Variants in PPIP5K2 observed in about 807,000 individuals in gnomAD.
PPIP5K2 encodes the protein inositol hexakisphosphate and diphosphoinositol-pentakisphosphate kinase 2.
A neutral mutation model predicts 154.6 loss-of-function variants in PPIP5K2; 105 were observed. The observed-to-expected ratio is 0.68, with a 90% CI of 0.58 to 0.80. PPIP5K2 has a LOEUF of 0.80. Ranked by LOEUF, PPIP5K2 falls within the 30% of genes least tolerant of loss-of-function variation. PPIP5K2 has a pLI of 0.00. For missense variants in PPIP5K2, 992 were observed against 1,504.6 expected, an observed-to-expected ratio of 0.66 and a Z score of 5.64; for synonymous variants, 480 against 490.3, an observed-to-expected ratio of 0.98 and a Z score of 0.28.
chr5:103,193,064 T>G (rs1801491808), intron 29 of PPIP5K2, among the ~76,000 whole-genome samples: 1 of 152,154 alleles, frequency 6.6e-6, no homozygotes, highest in Non-Finnish European at 1.5e-5. Flanking sequence ...TTTGGTCTAT[T>G]TTATTTAAGA....
At chr5:103,166,656 T>TATTG (rs1318233202) in intron 17 of PPIP5K2, among the ~76,000 whole-genome samples, 1 of 152,038 alleles carries the variant, frequency 6.6e-6, no homozygotes, top group Non-Finnish European at 1.5e-5. Flanking sequence ...TTTTTCCACA[T>TATTG]ACTTTCTGGA....
At chr5:103,194,787 TTC>T in intron 29 of PPIP5K2, 111 bp from the exon 30 acceptor site, 1 of 1,200,770 alleles carries the variant, frequency 8.3e-7, no homozygotes, top group South Asian at 1.7e-5. Flanking sequence ...GACCATTTTC[TTC>T]TGTTATTATG....
chr5:103,195,150 A>T (rs1332909384), intron 30 of PPIP5K2, 125 bp downstream of exon 30: 4 of 1,213,448 alleles, frequency 3.3e-6, no homozygotes, highest in Non-Finnish European at 4.5e-6. Flanking sequence ...TAATGATCCT[A>T]AGGGTTAAAA....
At chr5:103,141,197 T>A (rs1487706741) in intron 5 of PPIP5K2, among the ~76,000 whole-genome samples, 1 of 152,172 alleles carries the variant, frequency 6.6e-6, no homozygotes, top group East Asian at 1.9e-4. Context: ...TTGGTCTCAC[T>A]AATTTCAAGA....
In PPIP5K2 at chr5:103,154,752, G is replaced by A. The variant is rs368308205; in HGVS notation, c.1293+7G>A. 30 of 1,574,524 alleles carry A rather than the reference G, an allele frequency of 1.9e-5. No individual in the cohort carries two copies. Among genetic ancestry groups the A allele is most frequent in the Non-Finnish European group, 2.5e-5 (29 of 1,160,438 alleles). On this transcript the variant is annotated splice_region_variant and intron_variant, in intron 12 of 30. Coordinates refer to ENST00000358359, the MANE Select transcript of PPIP5K2 (RefSeq NM_001276277.3). Reference sequence around the variant, plus strand: ...AAAACCAAAACAGTTACAGGCAAGTGTATTTGCTTTCTTGTTTAATTTTAA... The same window carrying A: ...AAAACCAAAACAGTTACAGGCAAGTATATTTGCTTTCTTGTTTAATTTTAA...
chr5:103,153,685 A>T (rs148643639), intron 10 of PPIP5K2, among the ~76,000 whole-genome samples, 163 bp from the exon 11 acceptor site: 1 of 151,946 alleles, frequency 6.6e-6, no homozygotes, highest in East Asian at 1.9e-4. Context: ...ATTTTATTTC[A>T]TAAAGTTAAA....
chr5:103,156,146 C>T (rs917192997), intron 14 of PPIP5K2, 152 bp downstream of exon 14: 14 of 554,522 alleles, frequency 2.5e-5, no homozygotes, highest in South Asian at 1.1e-4. Context: ...GCTTCCTTTT[C>T]TTTAAATAAA....
At chr5:103,127,393 A>G (rs887982368) in intron 1 of PPIP5K2, among the ~76,000 whole-genome samples, 1 of 152,212 alleles carries the variant, frequency 6.6e-6, no homozygotes, top group Admixed American at 6.5e-5. Flanking sequence ...ATGTCAATTT[A>G]TTTGGCTATC....
intron 5 of PPIP5K2, among the ~76,000 whole-genome samples, chr5:103,143,677 ACT>A (rs1793235571): frequency 1.3e-5 from 2 of 152,334 alleles, no homozygotes; most frequent in East Asian, 1.9e-4. Context: ...CCAACTCTAT[ACT>A]CTCTACATAT....
intron 10 of PPIP5K2, 83 bp downstream of exon 10, chr5:103,152,832 T>A (rs1227557849): frequency 4.5e-6 from 4 of 879,616 alleles, no homozygotes; most frequent in African/African-American, 1.7e-5. Context: ...TTCTGAATGA[T>A]GATTAGACAC....
chr5:103,132,742 A>G (rs2149468665), intron 2 of PPIP5K2, among the ~76,000 whole-genome samples: 1 of 152,346 alleles, frequency 6.6e-6, no homozygotes, highest in East Asian at 1.9e-4. Context: ...TCAAGCACTT[A>G]AATGCAAAGA....
chr5:103,173,946 A>T lies in PPIP5K2; in HGVS notation c.2503A>T (p.Ile835Phe), dbSNP rs782479537. 2.5e-6 allele frequency: 4 copies of T among 1,599,292 alleles called. No homozygotes were observed. The Admixed American group carries it at 6.7e-5, about 27-fold the overall frequency. The part of the protein sequence containing the change: ...SESHVHSLLS[I>F]LRYGALCNES... ...AAGTCATGTACATTCTTTGCTGTCT[A>T]TTCTTCGCTATGGTGCCTTATGCAA... Residue 835 changes from isoleucine (I) to phenylalanine (F), a missense_variant, in exon 21 of 31, where the codon ATT (isoleucine) becomes TTT (phenylalanine). Physicochemically the swap from Ile to Phe is conservative, Grantham distance 21. Transcript: ENST00000358359.
At chr5:103,187,246 CCT>C (rs1288056730) in intron 27 of PPIP5K2, 66 bp from the exon 28 acceptor site, 8 of 1,218,968 alleles carry the variant, frequency 6.6e-6, no homozygotes, top group Middle Eastern at 1.9e-4. Flanking sequence ...TTGTTTTTCC[CCT>C]CTTTCTTTTA....
At chr5:103,193,534 T>C (rs977639756) in intron 29 of PPIP5K2, among the ~76,000 whole-genome samples, 6 of 151,884 alleles carry the variant, frequency 4.0e-5, no homozygotes, top group Non-Finnish European at 8.8e-5. Context: ...AGTAGGTATA[T>C]TAATTAGGAT....
At chr5:103,149,026 G>T (rs573255145) in intron 7 of PPIP5K2, 126 bp from the exon 8 acceptor site, 2 of 725,708 alleles carry the variant, frequency 2.8e-6, no homozygotes, top group South Asian at 7.6e-5. Flanking sequence ...ATAGAAAGAT[G>T]TGTCTACTAG....
At position 103,183,387 on chromosome 5, in the gene PPIP5K2, AT is replaced by A; in HGVS notation, c.3081del (p.Phe1027LeufsTer15). On this transcript the variant is annotated frameshift_variant, in exon 25 of 31. Coordinates refer to ENST00000358359, the MANE Select transcript of PPIP5K2 (RefSeq NM_001276277.3). LOFTEE classifies it high-confidence loss of function. ...SPKSLAFTSS[I>X]FGSWQQVVSE... ...CAAATCATTGGCTTTCACATCCAGT[AT>A]TTTTGGCTCATGGCAACAGGTTTTT... 1 of 1,610,026 alleles carries A rather than the reference AT, an allele frequency of 6.2e-7. No homozygotes were observed. The highest frequency in any genetic ancestry group is 8.5e-7 in the Non-Finnish European group (1 of 1,178,830).
At chr5:103,121,278 T>C (rs918032851) in intron 1 of PPIP5K2, among the ~76,000 whole-genome samples, 1 of 152,242 alleles carries the variant, frequency 6.6e-6, no homozygotes, top group Non-Finnish European at 1.5e-5. Flanking sequence ...ATAATAACGA[T>C]AGTTGCCATT....
Position 103,167,249 on chromosome 5 carries a change from A to G in PPIP5K2, c.1991A>G (p.Asp664Gly). ...ATTAAAAACCCTGTGAAGACCTGTG[A>G]TAAAGTTTATTCCTTAATTCAGAGT... is the stretch of plus-strand genomic sequence containing the variant. ...HLIKNPVKTC[D>G]KVYSLIQSLT... Residue 664 changes from aspartate (D) to glycine (G), a missense_variant, in exon 18 of 31, where the codon GAT becomes GGT. This residue lies in a region of PPIP5K2 where 82 missense variants were observed against 91.8 expected (regional missense o/e 0.89). Coordinates refer to ENST00000358359, the MANE Select transcript of PPIP5K2 (RefSeq NM_001276277.3). 6.2e-7 allele frequency: 1 copy of G among 1,600,656 alleles called. No homozygotes were observed. The highest frequency in any genetic ancestry group is 1.1e-5 in the South Asian group (1 of 88,676).
intron 28 of PPIP5K2, among the ~76,000 whole-genome samples, chr5:103,189,459 A>G (rs1308907001): frequency 6.6e-6 from 1 of 150,934 alleles, no homozygotes; most frequent in Non-Finnish European, 1.5e-5. Flanking sequence ...AAAAGATCTC[A>G]TCGTTAAGTT....
Sources: allele counts gnomAD v4.1 joint callset (sites outside exome capture counted in the v4.1 genomes callset), GRCh38; gene constraint gnomAD v4.1.1; regional missense constraint gnomAD v4.1.1; transcripts MANE v1.5; gene names NCBI Gene and HGNC (gene_info 2026-07-23, HGNC 2026-07-21).